ANKRD30B: variants seen among roughly 807,000 people sequenced by gnomAD.
ANKRD30B encodes ankyrin repeat domain-containing protein 30B.
In ANKRD30B, 144 loss-of-function variants were observed where a neutral mutation model predicts 202.2. That is an observed-to-expected ratio of 0.71 (90% CI 0.62 to 0.82). The LOEUF (loss-of-function observed/expected upper bound fraction) is 0.82. Ranked by LOEUF, ANKRD30B falls within the 40% of genes least tolerant of loss-of-function variation. The probability of loss-of-function intolerance (pLI) is 0.00; values close to 1 mark genes in which losing one functional copy is unlikely to be tolerated. For missense variants in ANKRD30B, 1,487 were observed against 1,669.1 expected (o/e 0.89, Z 1.90); for synonymous variants, 508 against 561.3 (o/e 0.91, Z 1.34).
chr18:14,783,941 A>T (rs1169041517), intron 12 of ANKRD30B, among the ~76,000 whole-genome samples: 2 of 152,142 alleles, frequency 1.3e-5, no homozygotes, highest in Non-Finnish European at 2.9e-5. Flanking sequence ...CTGAACTCTC[A>T]TCATAACTAT....
chr18:14,800,356 G>A (rs1259703558), intron 22 of ANKRD30B, among the ~76,000 whole-genome samples: 2 of 149,644 alleles, frequency 1.3e-5, no homozygotes, highest in East Asian at 2.0e-4. Context: ...CGCCCATCTC[G>A]TTGTCTTGCC....
intron 4 of ANKRD30B, among the ~76,000 whole-genome samples, chr18:14,755,548 C>A (rs541223804): frequency 1.7e-4 from 26 of 152,164 alleles, no homozygotes; most frequent in Middle Eastern, 3.4e-3. Context: ...ATCCCTCCCC[C>A]TTCCTTCCCC....
At chr18:14,907,195 G>A in the ANKRD30B span, among the ~76,000 whole-genome samples, 2 of 152,048 alleles carry the variant, frequency 1.3e-5, no homozygotes, top group Non-Finnish European at 2.9e-5. Context: ...CCCTGTCATG[G>A]CCTGAACCAG....
intron 24 of ANKRD30B, among the ~76,000 whole-genome samples, chr18:14,807,057 T>TTTA (rs1328634028): frequency 6.6e-6 from 1 of 151,144 alleles, no homozygotes; most frequent in Non-Finnish European, 1.5e-5. Context: ...GTCATGCATA[T>TTTA]TTAGCCTTAA....
Position 14,753,024 on chromosome 18 carries a change from C to G in ANKRD30B, c.510+12C>G, listed in dbSNP as rs1398436836. ...AGGTGCAAAACAAGGTAGACATTAACCAATGTTATTTTCAAAATATTTGAA... is the reference window on the plus strand; with the variant it reads ...AGGTGCAAAACAAGGTAGACATTAAGCAATGTTATTTTCAAAATATTTGAA... On this transcript the variant is annotated intron_variant, in intron 3 of 43. Coordinates refer to ENST00000690538, the MANE Select transcript of ANKRD30B (RefSeq NM_001367607.2). 2 of 1,548,550 alleles carry G rather than the reference C, an allele frequency of 1.3e-6. No homozygotes were observed. Among genetic ancestry groups the G allele is most frequent in the South Asian group, 1.2e-5 (1 of 82,302 alleles).
intron 18 of ANKRD30B, 151 bp from the exon 19 acceptor site, chr18:14,797,510 C>G: frequency 1.2e-6 from 1 of 868,748 alleles, no homozygotes; most frequent in Non-Finnish European, 1.9e-6. Flanking sequence ...GGCATGTTAA[C>G]AAATACAATA....
At chr18:14,785,475 A>T (rs1426919148) in intron 14 of ANKRD30B, among the ~76,000 whole-genome samples, 2 of 151,936 alleles carry the variant, frequency 1.3e-5, no homozygotes, top group Non-Finnish European at 1.5e-5. Context: ...AAATGAAAAC[A>T]TGCAGATTTC....
At chr18:14,899,321 C>A in the ANKRD30B span, among the ~76,000 whole-genome samples, 1 of 151,516 alleles carries the variant, frequency 6.6e-6, no homozygotes, top group Non-Finnish European at 1.5e-5. Flanking sequence ...TTAAAATGAC[C>A]TCATATAGCA....
intron 22 of ANKRD30B, among the ~76,000 whole-genome samples, chr18:14,799,572 T>A (rs1273805440): frequency 6.6e-6 from 1 of 152,104 alleles, no homozygotes. Context: ...CGTGCTCGGT[T>A]TTAAGGCAGG....
chr18:14,761,828 A>G (rs1465572879), intron 6 of ANKRD30B, among the ~76,000 whole-genome samples: 1 of 152,116 alleles, frequency 6.6e-6, no homozygotes, highest in Non-Finnish European at 1.5e-5. Context: ...AGTAAATGAG[A>G]GTTAATTACA....
the ANKRD30B span, among the ~76,000 whole-genome samples, chr18:14,881,464 T>C: frequency 6.6e-6 from 1 of 152,212 alleles, no homozygotes; most frequent in Non-Finnish European, 1.5e-5. Context: ...CTTTTTGATA[T>C]GTTGTTGGAT....
chr18:14,789,404 A>G (rs1034318056), intron 15 of ANKRD30B, among the ~76,000 whole-genome samples: 1 of 152,020 alleles, frequency 6.6e-6, no homozygotes, highest in Admixed American at 6.6e-5. Context: ...ATGAGATCCC[A>G]TTTGTCAATT....
chr18:14,907,229 T>G, the ANKRD30B span, among the ~76,000 whole-genome samples: 1 of 151,994 alleles, frequency 6.6e-6, no homozygotes, highest in East Asian at 1.9e-4. Flanking sequence ...ATTTTAAGAG[T>G]GCCCTGGCCT....
the ANKRD30B span, chr18:14,905,465 A>C: frequency 6.6e-6 from 1 of 152,250 alleles, no homozygotes; most frequent in African/African-American, 2.4e-5. Flanking sequence ...GGTTGAAAGA[A>C]TTTAGCTTTG....
intron 10 of ANKRD30B, 47 bp from the exon 11 acceptor site, chr18:14,779,913 A>G (rs769065910): frequency 2.3e-6 from 3 of 1,318,426 alleles, no homozygotes; most frequent in African/African-American, 1.5e-5. Flanking sequence ...TTTAAAATTT[A>G]TAATAAGGAA....
intron 20 of ANKRD30B, among the ~76,000 whole-genome samples, 177 bp from the exon 21 acceptor site, chr18:14,798,924 T>G (rs948828142): frequency 6.6e-6 from 1 of 151,988 alleles, no homozygotes; most frequent in Non-Finnish European, 1.5e-5. Flanking sequence ...TTTCAGGGGG[T>G]CTCCCTACAG....
At chr18:14,915,277 A>G in the ANKRD30B span, among the ~76,000 whole-genome samples, 1 of 152,204 alleles carries the variant, frequency 6.6e-6, no homozygotes, top group African/African-American at 2.4e-5. Flanking sequence ...TCACTAGACT[A>G]TCCTACCAAT....
chr18:14,836,688 T>A (rs1465940711), intron 34 of ANKRD30B, among the ~76,000 whole-genome samples: 1 of 152,040 alleles, frequency 6.6e-6, no homozygotes, highest in Non-Finnish European at 1.5e-5. Context: ...TCTTATATGG[T>A]TTGGTCTCAT....
intron 26 of ANKRD30B, among the ~76,000 whole-genome samples, chr18:14,809,019 G>T (rs1030172159): frequency 6.7e-6 from 1 of 150,318 alleles, no homozygotes; most frequent in African/African-American, 2.5e-5. Flanking sequence ...GGATCGGCAG[G>T]TTGAGAAAGA....
Sources: gnomAD v4.1 joint callset for allele counts (sites outside exome capture counted in the v4.1 genomes callset) on GRCh38, gnomAD v4.1.1 for gene constraint, MANE v1.5 for transcripts, NCBI Gene and HGNC (gene_info 2026-07-23, HGNC 2026-07-21) for gene names.